PPP1R36: variants seen among roughly 807,000 people sequenced by gnomAD.
The protein encoded by PPP1R36 is chromosome 14 open reading frame 50.
Under a neutral mutation model 53.4 loss-of-function variants are expected in PPP1R36, and 47 were observed. The observed-to-expected ratio is 0.88, with a 90% CI of 0.70 to 1.12. The LOEUF (loss-of-function observed/expected upper bound fraction) is 1.12, where lower values mean the gene tolerates loss of function less well. PPP1R36 is among the 50% of genes most tolerant of loss of function. The pLI is 0.00. For synonymous variants in PPP1R36, 153 were observed against 170.5 expected (o/e 0.90, Z 0.80); for missense variants, 456 against 513.9 (o/e 0.89, Z 1.09).
At chr14:64,564,690 T>A in intron 3 of PPP1R36, 61 bp from the exon 4 acceptor site, 1 of 1,103,876 alleles carries the variant, frequency 9.1e-7, no homozygotes, top group Non-Finnish European at 1.4e-6. Flanking sequence ...AGCTATGATA[T>A]GATTTGACTT....
At chr14:64,577,288 G>A (rs1488088805) in intron 8 of PPP1R36, among the ~76,000 whole-genome samples, 2 of 152,328 alleles carry the variant, frequency 1.3e-5, no homozygotes, top group South Asian at 2.1e-4. Flanking sequence ...CTGGGAGTTA[G>A]TATTTCAACA....
intron 3 of PPP1R36, among the ~76,000 whole-genome samples, chr14:64,553,768 T>C (rs2080117364): frequency 6.8e-6 from 1 of 147,928 alleles, no homozygotes; most frequent in South Asian, 2.2e-4. Flanking sequence ...ATTAAAAAAA[T>C]TCATCACGCT....
At chr14:64,565,923 G>A (rs190898157) in intron 6 of PPP1R36, among the ~76,000 whole-genome samples, 1 of 152,324 alleles carries the variant, frequency 6.6e-6, no homozygotes, top group East Asian at 1.9e-4. Flanking sequence ...TGGAGAGCAT[G>A]CTGTCAGAGT....
At chr14:64,580,073 G>T (rs1450466019) in intron 8 of PPP1R36, among the ~76,000 whole-genome samples, 1 of 152,256 alleles carries the variant, frequency 6.6e-6, no homozygotes, top group East Asian at 1.9e-4. Flanking sequence ...ACTGAGGCAG[G>T]AAAGTCACTT....
intron 7 of PPP1R36, among the ~76,000 whole-genome samples, chr14:64,571,266 C>T (rs774034022): frequency 3.3e-5 from 5 of 152,064 alleles, no homozygotes; most frequent in Non-Finnish European, 5.9e-5. Flanking sequence ...GCTGACACTA[C>T]AGGCATGTGC....
intron 6 of PPP1R36, among the ~76,000 whole-genome samples, chr14:64,566,938 A>G (rs1037294467): frequency 6.6e-6 from 1 of 152,100 alleles, no homozygotes; most frequent in Non-Finnish European, 1.5e-5. Flanking sequence ...GCAGGACTGA[A>G]CTCCACTTAA....
chr14:64,564,419 A>T (rs7159809), intron 3 of PPP1R36, among the ~76,000 whole-genome samples: 3,059 of 152,222 alleles, frequency 0.02, 120 homozygotes, highest in African/African-American at 0.07. Context: ...TGTGCCTAAA[A>T]GCACTTGTCA....
intron 8 of PPP1R36, among the ~76,000 whole-genome samples, chr14:64,581,503 T>G (rs1180231342): frequency 2.0e-5 from 3 of 152,170 alleles, no homozygotes; most frequent in Non-Finnish European, 4.4e-5. Context: ...GACTCTAACT[T>G]CCTTGGCTGT....
At chr14:64,578,996 C>T (rs1207864543) in intron 8 of PPP1R36, among the ~76,000 whole-genome samples, 5 of 152,194 alleles carry the variant, frequency 3.3e-5, no homozygotes, top group Admixed American at 3.3e-4. Flanking sequence ...CCTTAGCAAA[C>T]TAGCACAGGA....
chr14:64,550,383 A>G, intron 1 of PPP1R36: 20 of 835,098 alleles, frequency 2.4e-5, no homozygotes, highest in Non-Finnish European at 3.0e-5. Context: ...CGCTCTGGAT[A>G]GAAAGGCTGG....
At chr14:64,577,968 G>T (rs1464008255) in intron 8 of PPP1R36, among the ~76,000 whole-genome samples, 3 of 150,750 alleles carry the variant, frequency 2.0e-5, no homozygotes, top group South Asian at 2.1e-4. Flanking sequence ...CTTGTGATCC[G>T]CCTGCCTCGG....
intron 8 of PPP1R36, among the ~76,000 whole-genome samples, chr14:64,581,303 A>G (rs2080387750): frequency 6.6e-6 from 1 of 152,156 alleles, no homozygotes; most frequent in East Asian, 1.9e-4. Flanking sequence ...GCTCATGTAC[A>G]TGACTTCTAG....
At position 64,552,701 on chromosome 14, in the gene PPP1R36, G is replaced by T. The variant is rs1488214003; in HGVS notation, c.135-113G>T. The T allele has an allele frequency of 1.5e-5, 11 of 751,398 alleles. No individual in the cohort carries two copies. In the East Asian group the frequency reaches 3.0e-4, roughly 21 times the overall value. The allele number at this position is 751,398 out of a possible 1,614,324, so 46.5% of individuals were successfully genotyped here. Reference sequence around the variant, plus strand: ...TGATAATTAAACAAATAATTCAAAGGCTTAACATTTTATTAGAGTCAAAAT... The same window carrying T: ...TGATAATTAAACAAATAATTCAAAGTCTTAACATTTTATTAGAGTCAAAAT... On this transcript the variant is annotated intron_variant, in intron 2 of 11. Coordinates refer to ENST00000298705, the MANE Select transcript of PPP1R36 (RefSeq NM_172365.3).
chr14:64,566,097 G>A (rs1368475436), intron 6 of PPP1R36, among the ~76,000 whole-genome samples: 2 of 152,076 alleles, frequency 1.3e-5, no homozygotes, highest in African/African-American at 4.8e-5. Context: ...GTGAAACCCC[G>A]TCTCTACTAA....
chr14:64,587,761 C>A (rs562820857), intron 10 of PPP1R36, among the ~76,000 whole-genome samples: 1 of 151,916 alleles, frequency 6.6e-6, no homozygotes, highest in African/African-American at 2.4e-5. Context: ...CATGCCCAGC[C>A]TCCTCTTTTT....
chr14:64,572,802 G>A (rs965888275), intron 7 of PPP1R36, among the ~76,000 whole-genome samples: 2 of 152,186 alleles, frequency 1.3e-5, no homozygotes, highest in African/African-American at 2.4e-5. Context: ...TGATTTGGTT[G>A]TTTTCTACAG....
Position 64,577,849 on chromosome 14 carries a change from C to A in PPP1R36, c.668+3260C>A, listed in dbSNP as rs547053078. Among the ~76,000 whole-genome samples, 3 of 150,208 alleles carry A rather than the reference C, an allele frequency of 2.0e-5. No individual in the cohort carries two copies. In the South Asian group the frequency reaches 6.4e-4, roughly 32 times the overall value. ...CACGCTGTTCTCCTGCCTCAGCCTC[C>A]CGAGTAGCTGGGACTACAGGCGCCC... On this transcript the variant is annotated intron_variant, in intron 8 of 11. Coordinates refer to ENST00000298705, the MANE Select transcript of PPP1R36 (RefSeq NM_172365.3).
chr14:64,583,075 ATT>A (rs34144614), intron 8 of PPP1R36, among the ~76,000 whole-genome samples: 65 of 133,130 alleles, frequency 4.9e-4, no homozygotes, highest in Non-Finnish European at 7.0e-4. Context: ...ATATATATAT[ATT>A]TTTTTTTTGT....
intron 8 of PPP1R36, 125 bp from the exon 9 acceptor site, chr14:64,586,712 T>C (rs2080436226): frequency 3.2e-6 from 2 of 627,780 alleles, no homozygotes; most frequent in African/African-American, 1.8e-5. Context: ...TTTGATAGCA[T>C]TTGTGTAGCT....
Sources: allele counts gnomAD v4.1 joint callset (sites outside exome capture counted in the v4.1 genomes callset), GRCh38; gene constraint gnomAD v4.1.1; transcripts MANE v1.5; gene names NCBI Gene and HGNC (gene_info 2026-07-23, HGNC 2026-07-21).